The following SLC24A2 variants were observed in gnomAD, a reference collection of about 807,000 sequenced individuals.
The protein encoded by SLC24A2 is solute carrier family 24 member 2, also known as sodium/potassium/calcium exchanger 2.
Under a neutral mutation model 62.0 loss-of-function variants are expected in SLC24A2, and 36 were observed. The ratio of observed to expected loss-of-function variants is 0.58; its 90% CI spans 0.44 to 0.77. The LOEUF (loss-of-function observed/expected upper bound fraction) is 0.77. SLC24A2 is among the 30% of genes least tolerant of loss of function. The probability of loss-of-function intolerance (pLI) is 0.00; values close to 1 mark genes in which losing one functional copy is unlikely to be tolerated. For missense variants in SLC24A2, 846 were observed against 817.9 expected (o/e 1.03, Z -0.42); for synonymous variants, 358 against 294.0 (o/e 1.22, Z -2.23).
At chr9:19,521,668 A>G (rs1365947021) in intron 9 of SLC24A2, among the ~76,000 whole-genome samples, 1 of 152,138 alleles carries the variant, frequency 6.6e-6, no homozygotes, top group Non-Finnish European at 1.5e-5. Context: ...TGGCTCTGGT[A>G]TGTGTTAATT....
At chr9:20,277,030 C>G in the SLC24A2 span, among the ~76,000 whole-genome samples, 1 of 152,176 alleles carries the variant, frequency 6.6e-6, no homozygotes, top group Non-Finnish European at 1.5e-5. Context: ...TAGACATGTT[C>G]CCCATTGTCT....
At chr9:20,120,893 T>C in the SLC24A2 span, among the ~76,000 whole-genome samples, 1 of 151,724 alleles carries the variant, frequency 6.6e-6, no homozygotes, top group Non-Finnish European at 1.5e-5. Flanking sequence ...CTTCTTTCAT[T>C]GAATTTCCTT....
At chr9:19,690,564 A>T (rs1820014775) in intron 2 of SLC24A2, among the ~76,000 whole-genome samples, 1 of 152,146 alleles carries the variant, frequency 6.6e-6, no homozygotes, top group Admixed American at 6.5e-5. Flanking sequence ...AATAGAACTA[A>T]CTGACAGAAA....
chr9:20,195,083 G>C, the SLC24A2 span, among the ~76,000 whole-genome samples: 1 of 152,112 alleles, frequency 6.6e-6, no homozygotes, highest in Non-Finnish European at 1.5e-5. Context: ...AGCTCATGTT[G>C]ATAAGATTTG....
intron 2 of SLC24A2, among the ~76,000 whole-genome samples, chr9:19,751,757 G>A (rs578169174): frequency 2.6e-5 from 4 of 152,088 alleles, no homozygotes; most frequent in Non-Finnish European, 5.9e-5. Flanking sequence ...TGAACATTAC[G>A]GATAGGACCA....
chr9:19,610,889 C>T (rs1033584154), intron 4 of SLC24A2, among the ~76,000 whole-genome samples: 24 of 152,294 alleles, frequency 1.6e-4, no homozygotes, highest in African/African-American at 4.6e-4. Context: ...TGTACTGGGG[C>T]CCACTTGTGC....
At chr9:19,678,705 T>C (rs376764339) in intron 2 of SLC24A2, among the ~76,000 whole-genome samples, 2 of 152,308 alleles carry the variant, frequency 1.3e-5, no homozygotes, top group East Asian at 3.9e-4. Context: ...AAATAGTTCA[T>C]ACATGCTGGC....
upstream of SLC24A2, among the ~76,000 whole-genome samples, chr9:19,789,280 T>A (rs1823274247): frequency 6.6e-6 from 1 of 152,208 alleles, no homozygotes; most frequent in Admixed American, 6.5e-5. Context: ...ATCGTACAGG[T>A]CGGTGACGCG....
At chr9:19,709,348 A>C (rs536770853) in intron 2 of SLC24A2, among the ~76,000 whole-genome samples, 4 of 152,194 alleles carry the variant, frequency 2.6e-5, no homozygotes, top group African/African-American at 4.8e-5. Context: ...TCAGTGTGGC[A>C]ATTCCTTGGG....
intron 8 of SLC24A2, among the ~76,000 whole-genome samples, chr9:19,544,495 C>A (rs944215997): frequency 4.1e-4 from 63 of 151,900 alleles, no homozygotes; most frequent in Admixed American, 3.7e-3. Flanking sequence ...GTTATTTTGC[C>A]TGTTAGTTGA....
chr9:20,152,401 C>A, the SLC24A2 span, among the ~76,000 whole-genome samples: 4 of 151,828 alleles, frequency 2.6e-5, 1 homozygote, highest in Non-Finnish European at 5.9e-5. Context: ...AATCCAAGTT[C>A]TTTAGTAAAT....
At chr9:20,163,278 C>T in the SLC24A2 span, among the ~76,000 whole-genome samples, 2 of 152,104 alleles carry the variant, frequency 1.3e-5, no homozygotes, top group Non-Finnish European at 2.9e-5. Flanking sequence ...GCAACTTCAG[C>T]AAAGTCTCAG....
chr9:19,961,121 GAGAGAGACAGAAGAAAGGGGA>G, the SLC24A2 span, among the ~76,000 whole-genome samples: 19 of 127,116 alleles, frequency 1.5e-4, no homozygotes, highest in Middle Eastern at 7.5e-3. Context: ...GAAGAAAGGA[GAGAGAGACAGAAGAAAGGGGA>G]GAGAGAGAGA....
At chr9:20,034,511 A>G in the SLC24A2 span, among the ~76,000 whole-genome samples, 28 of 131,356 alleles carry the variant, frequency 2.1e-4, no homozygotes, top group East Asian at 5.7e-3. Flanking sequence ...CCAGGCTGGA[A>G]TGCAGTGGCG....
chr9:20,142,114 C>A, the SLC24A2 span, among the ~76,000 whole-genome samples: 1 of 151,800 alleles, frequency 6.6e-6, no homozygotes, highest in African/African-American at 2.4e-5. Flanking sequence ...TTAAAGAGTT[C>A]GATGATGAAA....
chr9:19,962,116 TCATTCATTC>T, the SLC24A2 span, among the ~76,000 whole-genome samples: 1 of 152,260 alleles, frequency 6.6e-6, no homozygotes. Flanking sequence ...ATTTATTCTC[TCATTCATTC>T]CATGAACTTT....
the SLC24A2 span, among the ~76,000 whole-genome samples, chr9:20,225,581 T>TATATATATATAATATATA: frequency 1.5e-5 from 1 of 66,406 alleles, no homozygotes; most frequent in Non-Finnish European, 3.0e-5. Context: ...TATAATTTCA[T>TATATATATATAATATATA]TTAAAGAAAG....
At chr9:20,047,825 T>C in the SLC24A2 span, among the ~76,000 whole-genome samples, 1 of 151,372 alleles carries the variant, frequency 6.6e-6, no homozygotes, top group African/African-American at 2.4e-5. Flanking sequence ...AACATGAGTT[T>C]TGGGGAGACA....
At chr9:19,745,544 C>T (rs73432025) in intron 2 of SLC24A2, among the ~76,000 whole-genome samples, 10 of 152,150 alleles carry the variant, frequency 6.6e-5, no homozygotes, top group Admixed American at 6.5e-4. Context: ...GCAATCTATG[C>T]GTTGATAAGC....
Sources: gnomAD v4.1 joint callset for allele counts (sites outside exome capture counted in the v4.1 genomes callset) on GRCh38, gnomAD v4.1.1 for gene constraint, MANE v1.5 for transcripts, NCBI Gene and HGNC (gene_info 2026-07-23, HGNC 2026-07-21) for gene names.